The following TBC1D9 variants were observed in gnomAD, a reference collection of about 807,000 sequenced individuals.
The protein encoded by TBC1D9 is TBC1 domain family member 9.
Under a neutral mutation model 132.0 loss-of-function variants are expected in TBC1D9, and 63 were observed. The ratio of observed to expected loss-of-function variants is 0.48; its 90% CI spans 0.39 to 0.59. The LOEUF is 0.59. TBC1D9 is among the 20% of genes least tolerant of loss of function. TBC1D9 has a pLI of 0.00. For synonymous variants in TBC1D9, 610 were observed against 609.9 expected, an observed-to-expected ratio of 1.00 and a Z score of 0.00; for missense variants, 1,261 against 1,592.7, an observed-to-expected ratio of 0.79 and a Z score of 3.54.
chr4:140,695,753 G>A (rs939507185), intron 2 of TBC1D9, among the ~76,000 whole-genome samples: 11 of 152,134 alleles, frequency 7.2e-5, no homozygotes, highest in Admixed American at 1.3e-4. Flanking sequence ...ACAATGGACT[G>A]GACTCTCTGC....
In TBC1D9 at chr4:140,621,353, G is replaced by A. The variant is rs1736610429; in HGVS notation, c.*842C>T. ...TAAACATCCAGTATCAGAAGCATCA[G>A]TACTTTTACTCTTTCAAAAACAAAA... On this transcript the variant is annotated 3_prime_UTR_variant, in exon 21 of 21. Transcript: ENST00000442267. 1 of 152,330 alleles carries A rather than the reference G, an allele frequency of 6.6e-6. No individual in the cohort carries two copies. The highest frequency in any genetic ancestry group is 1.5e-5 in the Non-Finnish European group (1 of 68,026). 9.4% of individuals were successfully genotyped at this position (152,330 alleles called of 1,614,324 possible). A position where few individuals can be genotyped will look rare whatever the true frequency, so the allele number is the denominator to read the frequency against.
chr4:140,753,874 A>G (rs1738963335), intron 1 of TBC1D9, among the ~76,000 whole-genome samples: 1 of 152,214 alleles, frequency 6.6e-6, no homozygotes, highest in African/African-American at 2.4e-5. Flanking sequence ...ACATTGTGTA[A>G]CATTTCTAAA....
intron 1 of TBC1D9, among the ~76,000 whole-genome samples, chr4:140,709,816 C>G (rs932544570): frequency 6.6e-6 from 1 of 152,156 alleles, no homozygotes. Context: ...AACCTAGATC[C>G]CTTGCATGTG....
intron 1 of TBC1D9, among the ~76,000 whole-genome samples, chr4:140,723,713 A>G (rs888014942): frequency 6.6e-6 from 1 of 152,168 alleles, no homozygotes; most frequent in Non-Finnish European, 1.5e-5. Flanking sequence ...ATTTTAACAT[A>G]TAAGCCCCAC....
chr4:140,679,090 A>G lies in TBC1D9; in HGVS notation c.703T>C (p.Phe235Leu). 6.2e-7 allele frequency: 1 copy of G among 1,613,958 alleles called. No individual in the cohort carries two copies. The highest frequency in any genetic ancestry group is 8.5e-7 in the Non-Finnish European group (1 of 1,179,850). Residue 235 changes from phenylalanine (F) to leucine (L), a missense_variant, in exon 5 of 21, where the codon TTC becomes CTC. Around this residue, in one of 3 missense-constraint regions of TBC1D9, gnomAD observed 550 missense variants for 699.0 expected, o/e 0.79. Transcript: ENST00000442267. Reference sequence around the variant, plus strand: ...TTGAAGGTCTCGTTGATGTTGAGGAATACAGAGAAGAAATGCTCACTGGAC... The same window carrying G: ...TTGAAGGTCTCGTTGATGTTGAGGAGTACAGAGAAGAAATGCTCACTGGAC... ...TRSSEHFFSV[F>L]LNINETFKLM...
chr4:140,683,055 T>C (rs1578838878), intron 3 of TBC1D9, among the ~76,000 whole-genome samples: 1 of 152,034 alleles, frequency 6.6e-6, no homozygotes, highest in African/African-American at 2.4e-5. Flanking sequence ...CCTGGCTAAT[T>C]TTTTTGTATT....
intron 2 of TBC1D9, among the ~76,000 whole-genome samples, chr4:140,696,063 A>G (rs1737950606): frequency 6.6e-6 from 1 of 152,250 alleles, no homozygotes; most frequent in South Asian, 2.1e-4. Context: ...GTCGTTGTTT[A>G]GGAAAGTTTT....
intron 1 of TBC1D9, among the ~76,000 whole-genome samples, chr4:140,733,403 G>C (rs1404339645): frequency 1.3e-5 from 2 of 152,126 alleles, no homozygotes; most frequent in Non-Finnish European, 2.9e-5. Flanking sequence ...AGTCTTTCAA[G>C]AGAAATCTGG....
intron 13 of TBC1D9, among the ~76,000 whole-genome samples, chr4:140,647,137 G>A (rs1433294930): frequency 6.6e-6 from 1 of 152,210 alleles, no homozygotes; most frequent in African/African-American, 2.4e-5. Flanking sequence ...CACTAGCTGT[G>A]AGACAGAAGG....
intron 13 of TBC1D9, among the ~76,000 whole-genome samples, chr4:140,652,251 A>G (rs1004774367): frequency 6.6e-6 from 1 of 152,150 alleles, no homozygotes; most frequent in African/African-American, 2.4e-5. Flanking sequence ...AAATAAAAAA[A>G]AAAAAAAAAA....
At chr4:140,681,542 C>T (rs1248594226) in intron 3 of TBC1D9, among the ~76,000 whole-genome samples, 11 of 152,116 alleles carry the variant, frequency 7.2e-5, no homozygotes, top group African/African-American at 2.2e-4. Context: ...GGTGGGCTTA[C>T]GATGCAAGCA....
At chr4:140,654,059 G>A (rs1737228440) in intron 13 of TBC1D9, among the ~76,000 whole-genome samples, 2 of 152,222 alleles carry the variant, frequency 1.3e-5, no homozygotes, top group African/African-American at 4.8e-5. Flanking sequence ...TAGGAATAAC[G>A]CTCAAAACCC....
At chr4:140,699,713 G>A (rs910822221) in intron 2 of TBC1D9, among the ~76,000 whole-genome samples, 1 of 152,120 alleles carries the variant, frequency 6.6e-6, no homozygotes, top group East Asian at 1.9e-4. Context: ...TGTACCAGAT[G>A]GGATACTGAA....
At chr4:140,730,686 A>G (rs1358351621) in intron 1 of TBC1D9, among the ~76,000 whole-genome samples, 2 of 152,196 alleles carry the variant, frequency 1.3e-5, no homozygotes, top group Non-Finnish European at 2.9e-5. Flanking sequence ...AGATCTCACC[A>G]CTGCACTCCA....
chr4:140,686,843 T>C (rs1438129134), intron 2 of TBC1D9, among the ~76,000 whole-genome samples: 1 of 152,162 alleles, frequency 6.6e-6, no homozygotes. Flanking sequence ...CTTATGATAC[T>C]AGGTTACAGT....
intron 1 of TBC1D9, among the ~76,000 whole-genome samples, chr4:140,729,520 A>T (rs1738553605): frequency 6.6e-6 from 1 of 152,200 alleles, no homozygotes; most frequent in African/African-American, 2.4e-5. Flanking sequence ...AGAATAAAAA[A>T]TAATGACACA....
At chr4:140,659,279 C>G (rs1737322115) in intron 11 of TBC1D9, 1 of 194,586 alleles carries the variant, frequency 5.1e-6, no homozygotes, top group Non-Finnish European at 1.0e-5. Flanking sequence ...TTTTTTTTAT[C>G]AAATCTCTTT....
Position 140,621,356 on chromosome 4 carries a change from C to T in TBC1D9, c.*839G>A, listed in dbSNP as rs947083631. The T allele has an allele frequency of 5.9e-5, 9 of 152,332 alleles. No individual in the cohort carries two copies. The highest frequency in any genetic ancestry group is 2.0e-4 in the Admixed American group (3 of 15,290). The allele number at this position is 152,332 out of a possible 1,614,324, so 9.4% of individuals were successfully genotyped here. A position where few individuals can be genotyped will look rare whatever the true frequency, so the allele number is the denominator to read the frequency against. On this transcript the variant is annotated 3_prime_UTR_variant, in exon 21 of 21. Coordinates refer to ENST00000442267, the MANE Select transcript of TBC1D9 (RefSeq NM_015130.3). ...ACATCCAGTATCAGAAGCATCAGTA[C>T]TTTTACTCTTTCAAAAACAAAAGCA... is the stretch of plus-strand genomic sequence containing the variant.
At chr4:140,647,656 G>A (rs992463162) in intron 13 of TBC1D9, among the ~76,000 whole-genome samples, 2 of 152,172 alleles carry the variant, frequency 1.3e-5, no homozygotes, top group Admixed American at 1.3e-4. Context: ...TCACAAGCCT[G>A]ACATTCAAAG....
Sources: gnomAD v4.1 joint callset for allele counts (sites outside exome capture counted in the v4.1 genomes callset) on GRCh38, gnomAD v4.1.1 for gene constraint, gnomAD v4.1.1 regional missense constraint, MANE v1.5 for transcripts, NCBI Gene and HGNC (gene_info 2026-07-23, HGNC 2026-07-21) for gene names.